Variants in CHRM3 observed in about 807,000 individuals in gnomAD.
CHRM3 encodes cholinergic receptor muscarinic 3, also known as muscarinic acetylcholine receptor M3.
In CHRM3, 11 loss-of-function variants were observed where a neutral mutation model predicts 41.8. The observed-to-expected ratio is 0.26, with a 90% CI of 0.17 to 0.44. The LOEUF is 0.44. CHRM3 is among the 20% of genes least tolerant of loss of function. The pLI, the probability that CHRM3 is intolerant of heterozygous loss-of-function variation, is 1.00. For missense variants in CHRM3, 571 were observed against 745.4 expected, an observed-to-expected ratio of 0.77 and a Z score of 2.72; for synonymous variants, 297 against 301.4, an observed-to-expected ratio of 0.99 and a Z score of 0.15.
At chr1:239,411,752 C>T (rs915670398) in intron 1 of CHRM3, among the ~76,000 whole-genome samples, 8 of 96,190 alleles carry the variant, frequency 8.3e-5, no homozygotes, top group Admixed American at 6.3e-4. Flanking sequence ...AAAAAAAAAG[C>T]TGGGATTGGA....
intron 1 of CHRM3, among the ~76,000 whole-genome samples, chr1:239,484,442 A>G (rs1217394860): frequency 6.6e-6 from 1 of 152,182 alleles, no homozygotes; most frequent in Non-Finnish European, 1.5e-5. Flanking sequence ...CCCCACCTCC[A>G]ACATTGGAAA....
intron 1 of CHRM3, among the ~76,000 whole-genome samples, chr1:239,411,401 T>C (rs1293012739): frequency 6.6e-6 from 1 of 151,838 alleles, no homozygotes; most frequent in Non-Finnish European, 1.5e-5. Context: ...AGTTTCTAAC[T>C]GGCAGACCTA....
intron 1 of CHRM3, among the ~76,000 whole-genome samples, chr1:239,452,613 CAAAG>C (rs1558234772): frequency 6.6e-6 from 1 of 152,072 alleles, no homozygotes; most frequent in Non-Finnish European, 1.5e-5. Flanking sequence ...TGTCTGCAAA[CAAAG>C]AATTAATGAA....
chr1:239,587,066 T>C (rs539167694), intron 3 of CHRM3, among the ~76,000 whole-genome samples: 1 of 152,322 alleles, frequency 6.6e-6, no homozygotes, highest in African/African-American at 2.4e-5. Flanking sequence ...TCCTCTTCCC[T>C]GAGCCGGGAA....
chr1:239,464,267 G>A (rs1188918202), intron 1 of CHRM3, among the ~76,000 whole-genome samples: 1 of 145,456 alleles, frequency 6.9e-6, no homozygotes, highest in Non-Finnish European at 1.5e-5. Context: ...GTGACAGAGT[G>A]AGACCCTGTC....
At chr1:239,865,880 G>T (rs966399162) in intron 6 of CHRM3, among the ~76,000 whole-genome samples, 6 of 152,160 alleles carry the variant, frequency 3.9e-5, no homozygotes, top group African/African-American at 1.4e-4. Flanking sequence ...TGTCCTTGCA[G>T]CCTCTGTGCT....
chr1:239,455,821 G>A (rs933309882), intron 1 of CHRM3, among the ~76,000 whole-genome samples: 2 of 152,166 alleles, frequency 1.3e-5, no homozygotes, highest in African/African-American at 4.8e-5. Context: ...TAGCCTAAGT[G>A]TAAAGTGTTT....
At chr1:239,709,903 ATTAT>A (rs935543290) in intron 5 of CHRM3, among the ~76,000 whole-genome samples, 10 of 152,204 alleles carry the variant, frequency 6.6e-5, no homozygotes, top group African/African-American at 2.4e-4. Flanking sequence ...TAATATCCAC[ATTAT>A]TTAAGTTAAA....
intron 5 of CHRM3, among the ~76,000 whole-genome samples, chr1:239,817,917 A>G (rs1423486521): frequency 6.6e-6 from 1 of 152,200 alleles, no homozygotes; most frequent in African/African-American, 2.4e-5. Flanking sequence ...GCCTGTTTCT[A>G]CATCTATGAA....
At chr1:239,487,771 A>G (rs1194344805) in intron 1 of CHRM3, among the ~76,000 whole-genome samples, 1 of 151,952 alleles carries the variant, frequency 6.6e-6, no homozygotes, top group Non-Finnish European at 1.5e-5. Context: ...TGTCTAAGGG[A>G]AAAATTGTAT....
intron 6 of CHRM3, among the ~76,000 whole-genome samples, chr1:239,845,164 G>C (rs1243200544): frequency 6.6e-6 from 1 of 152,146 alleles, no homozygotes; most frequent in East Asian, 1.9e-4. Flanking sequence ...CAATGCATAT[G>C]AAAGAGCCAG....
At chr1:239,810,230 C>G (rs577853840) in intron 5 of CHRM3, among the ~76,000 whole-genome samples, 1 of 152,130 alleles carries the variant, frequency 6.6e-6, no homozygotes, top group East Asian at 1.9e-4. Context: ...TAATCCTCAC[C>G]AAAAAGGGAT....
intron 5 of CHRM3, among the ~76,000 whole-genome samples, chr1:239,759,169 G>GTTTTTT (rs568446013): frequency 6.9e-5 from 7 of 102,106 alleles, no homozygotes; most frequent in East Asian, 3.3e-4. Context: ...TTTTTTTTTT[G>GTTTTTT]TTTTTTTTTT....
intron 3 of CHRM3, among the ~76,000 whole-genome samples, chr1:239,580,196 T>A (rs1443922500): frequency 1.3e-5 from 2 of 151,852 alleles, no homozygotes; most frequent in African/African-American, 4.8e-5. Context: ...ACTTTCCCTC[T>A]TGCCCCCATA....
intron 1 of CHRM3, among the ~76,000 whole-genome samples, chr1:239,482,229 C>T (rs978476630): frequency 1.3e-5 from 2 of 152,156 alleles, no homozygotes; most frequent in African/African-American, 4.8e-5. Flanking sequence ...ACTCTGCTTA[C>T]TCTTAGAACA....
intron 1 of CHRM3, among the ~76,000 whole-genome samples, chr1:239,464,784 C>A (rs1665604413): frequency 6.6e-6 from 1 of 152,102 alleles, no homozygotes. Context: ...TGCCAAGCCA[C>A]CCCATAAAAA....
At chr1:239,729,983 C>T (rs1018273431) in intron 5 of CHRM3, among the ~76,000 whole-genome samples, 6 of 151,858 alleles carry the variant, frequency 4.0e-5, no homozygotes, top group African/African-American at 1.5e-4. Flanking sequence ...TTTGTATCAA[C>T]CAAAACAACT....
intron 3 of CHRM3, among the ~76,000 whole-genome samples, chr1:239,586,168 GA>G (rs1277069156): frequency 3.2e-4 from 48 of 152,290 alleles, no homozygotes; most frequent in Admixed American, 2.5e-3. Flanking sequence ...AACATGTTTA[GA>G]TTTTTTTATA....
rs542108732 is a variant in CHRM3 at position 239,711,692 on chromosome 1, C to CTT, written c.-147+33417_-147+33418dup. ...TTCCCGCTCTCTCACTCTCTCTCTG[C>CTT]TTTTTTTTTTTTTTAGTGACAGGGT... On this transcript the variant is annotated intron_variant, in intron 5 of 6. Coordinates refer to ENST00000676153, the MANE Select transcript of CHRM3 (RefSeq NM_001375978.1). Among the ~76,000 whole-genome samples the CTT allele has an allele frequency of 1.7e-3, 232 of 138,752 alleles. 2 individuals are homozygous for CTT. Among genetic ancestry groups the CTT allele is most frequent in the African/African-American group, 5.9e-3 (223 of 37,802 alleles). 91.0% of individuals were successfully genotyped at this position (138,752 alleles called of 152,430 possible).
Sources: allele counts gnomAD v4.1 joint callset (sites outside exome capture counted in the v4.1 genomes callset), GRCh38; gene constraint gnomAD v4.1.1; transcripts MANE v1.5; gene names NCBI Gene and HGNC (gene_info 2026-07-23, HGNC 2026-07-21).